The following DHX36 variants were observed in gnomAD, a reference collection of about 807,000 sequenced individuals.
DHX36 encodes the protein DEAH-box helicase 36, also known as ATP-dependent DNA/RNA helicase DHX36.
A neutral mutation model predicts 139.0 loss-of-function variants in DHX36; 50 were observed. That is an observed-to-expected ratio of 0.36 (90% CI 0.29 to 0.46). The LOEUF (loss-of-function observed/expected upper bound fraction) is 0.46. Ranked by LOEUF, DHX36 falls within the 20% of genes least tolerant of loss-of-function variation. The probability of loss-of-function intolerance (pLI) is 1.00; values close to 1 mark genes in which losing one functional copy is unlikely to be tolerated. For synonymous variants in DHX36, 425 were observed against 401.9 expected (o/e 1.06, Z -0.69); for missense variants, 1,024 against 1,211.3 (o/e 0.85, Z 2.29).
intron 19 of DHX36, 152 bp from the exon 20 acceptor site, chr3:154,283,423 A>G: frequency 1.7e-6 from 1 of 600,174 alleles, no homozygotes; most frequent in Admixed American, 3.0e-5. Flanking sequence ...GATAAAACTA[A>G]AAACACATAC....
rs1330649242 is a variant in DHX36 at position 154,276,834 on chromosome 3, G to A, written c.2754C>T (p.Ser918=). Residue 918 remains serine (S), a synonymous_variant, in exon 24 of 25, where the codon TCC becomes TCT. Transcript: ENST00000496811. ...YCLLFFGGDI[S]IQKDNDQETI... ...TTTCCTGATCGTTATCCTTCTGGAT[G>A]GAAATGTCACCTCCAAAAAACAAGA... 1.2e-6 allele frequency: 2 copies of A among 1,613,682 alleles called. No individual in the cohort carries two copies. Among genetic ancestry groups the A allele is most frequent in the African/African-American group, 1.3e-5 (1 of 74,894 alleles).
At chr3:154,316,318 C>A (rs753396707) in intron 1 of DHX36, among the ~76,000 whole-genome samples, 155 bp from the exon 2 acceptor site, 3 of 152,050 alleles carry the variant, frequency 2.0e-5, no homozygotes, top group Non-Finnish European at 4.4e-5. Context: ...CAATACCCCC[C>A]TTCCTAGACC....
rs749806167 is a variant in DHX36 at position 154,292,680 on chromosome 3, T to C, written c.1685A>G (p.Asp562Gly). The change falls in exon 15 of 25, where the codon GAT becomes GGT. Residue 562 changes from aspartate (D) to glycine (G), a missense_variant. Transcript: ENST00000496811. ...TCCTCCATCTATCACATAAACGACA[T>C]CATCTATGGTAATGCTGTTTGGAAA... ...NIAETSITID[D>G]VVYVIDGGKI... 3.9e-5 allele frequency: 63 copies of C among 1,613,074 alleles called. No individual in the cohort carries two copies. Among genetic ancestry groups the C allele is most frequent in the Admixed American group, 3.3e-5 (2 of 59,888 alleles).
intron 14 of DHX36, 39 bp from the exon 15 acceptor site, chr3:154,292,733 ACACAC>A (rs772472606): frequency 3.3e-6 from 3 of 922,814 alleles, no homozygotes; most frequent in Non-Finnish European, 4.7e-6. Context: ...TAAAACACAC[ACACAC>A]ACACACACAC....
At chr3:154,299,612 A>C in intron 12 of DHX36, 1 of 477,430 alleles carries the variant, frequency 2.1e-6, no homozygotes, top group Non-Finnish European at 3.8e-6. Flanking sequence ...TGCAGCAGTA[A>C]GTGAAAAAAT....
chr3:154,315,961 G>C, intron 2 of DHX36, 78 bp downstream of exon 2: 2 of 1,457,700 alleles, frequency 1.4e-6, no homozygotes, highest in Non-Finnish European at 1.8e-6. Flanking sequence ...TTCACTTATC[G>C]AAGAAAATAA....
chr3:154,301,670 A>C (rs1712286896), intron 9 of DHX36, among the ~76,000 whole-genome samples: 1 of 152,164 alleles, frequency 6.6e-6, no homozygotes, highest in African/African-American at 2.4e-5. Flanking sequence ...AGTTGTAGTT[A>C]ATGGCAGATC....
chr3:154,304,959 C>A lies in DHX36; in HGVS notation c.982G>T (p.Val328Phe). ...WLQSDPYLSS[V>F]SHIVLDEIHE... ...ATTTCATCAAGTACGATATGACTAA[C>A]ACTGGACAAATACCTAAGGCAGAAG... Residue 328 changes from valine (V) to phenylalanine (F), a missense_variant, in exon 8 of 25, where the codon GTT (valine) becomes TTT (phenylalanine). Physicochemically the swap from Val to Phe is conservative, Grantham distance 50. This residue lies in a region of DHX36 where 146 missense variants were observed against 215.0 expected (regional missense o/e 0.68). Coordinates refer to ENST00000496811, the MANE Select transcript of DHX36 (RefSeq NM_020865.3). The A allele has an allele frequency of 6.2e-7, 1 of 1,605,126 alleles. No homozygotes were observed. Among genetic ancestry groups the A allele is most frequent in the East Asian group, 2.2e-5 (1 of 44,752 alleles).
chr3:154,285,008 T>C, intron 17 of DHX36, 21 bp from the exon 18 acceptor site: 1 of 1,613,112 alleles, frequency 6.2e-7, no homozygotes, highest in Non-Finnish European at 8.5e-7. Context: ...AGAGTGTGTG[T>C]TTAAAATAGA....
intron 4 of DHX36, among the ~76,000 whole-genome samples, chr3:154,310,834 T>C (rs1436819824): frequency 6.8e-5 from 5 of 73,088 alleles, no homozygotes; most frequent in African/African-American, 2.1e-4. Context: ...TATATATATA[T>C]ATATATATAT....
chr3:154,277,049 C>T (rs1041756284), intron 23 of DHX36, 150 bp from the exon 24 acceptor site: 4 of 712,456 alleles, frequency 5.6e-6, no homozygotes, highest in Non-Finnish European at 6.5e-6. Context: ...TAAGAAATAC[C>T]ATTTTAAATG....
intron 17 of DHX36, among the ~76,000 whole-genome samples, chr3:154,285,374 C>T (rs958415002): frequency 2.6e-5 from 4 of 152,072 alleles, no homozygotes; most frequent in Admixed American, 2.0e-4. Flanking sequence ...TTAGGTGACG[C>T]GAGACAGAAA....
intron 1 of DHX36, among the ~76,000 whole-genome samples, chr3:154,316,932 G>A (rs543582599): frequency 9.2e-5 from 14 of 152,086 alleles, no homozygotes; most frequent in African/African-American, 3.1e-4. Context: ...AGGTTCTAAC[G>A]TGCATATAAA....
intron 12 of DHX36, among the ~76,000 whole-genome samples, chr3:154,297,451 G>A (rs1227787820): frequency 1.3e-5 from 2 of 152,144 alleles, no homozygotes; most frequent in South Asian, 2.1e-4. Flanking sequence ...AGTGGCTCAC[G>A]CCCGCAATCC....
chr3:154,300,981 A>T lies in DHX36; in HGVS notation c.1358+6T>A. 6.2e-7 allele frequency: 1 copy of T among 1,609,568 alleles called. No individual in the cohort carries two copies. The highest frequency in any genetic ancestry group is 8.5e-7 in the Non-Finnish European group (1 of 1,179,114). On this transcript the variant is annotated splice_donor_region_variant and intron_variant, in intron 10 of 24. Transcript: ENST00000496811. ...GATTTCTCACCTTCAGACAAAATAA[A>T]CTTACCTTCTTCGCAGTTCCCTTAC... is the stretch of plus-strand genomic sequence containing the variant.
Position 154,296,439 on chromosome 3 carries a change from A to T in DHX36, c.1550-1100T>A, listed in dbSNP as rs192058010. Among the ~76,000 whole-genome samples, 769 of 152,258 alleles carry T rather than the reference A, an allele frequency of 5.1e-3. 7 individuals carry two copies. The highest frequency in any genetic ancestry group is 0.018 in the African/African-American group (745 of 41,568). ...CAGTGAGCCGAGATCGCGCCACTGC[A>T]CTCCAGCCTAGGTGACAGAGCGAGA... On this transcript the variant is annotated intron_variant, in intron 12 of 24. Coordinates refer to ENST00000496811, the MANE Select transcript of DHX36 (RefSeq NM_020865.3).
At chr3:154,321,923 A>G (rs1293480135) in intron 1 of DHX36, among the ~76,000 whole-genome samples, 1 of 119,620 alleles carries the variant, frequency 8.4e-6, no homozygotes, top group Non-Finnish European at 1.7e-5. Context: ...TGAGACTCCA[A>G]CTCAAAAAAA....
chr3:154,322,074 T>C (rs948925738), intron 1 of DHX36, among the ~76,000 whole-genome samples: 2 of 152,138 alleles, frequency 1.3e-5, no homozygotes, highest in African/African-American at 4.8e-5. Context: ...AATACTCCTA[T>C]TTAAACAAGA....
intron 3 of DHX36, among the ~76,000 whole-genome samples, chr3:154,312,626 A>G (rs1209425675): frequency 6.6e-6 from 1 of 151,410 alleles, no homozygotes. Context: ...GCAGATCATG[A>G]GGTCAGGAGT....
Sources: gnomAD v4.1 joint callset for allele counts (sites outside exome capture counted in the v4.1 genomes callset) on GRCh38, gnomAD v4.1.1 for gene constraint, gnomAD v4.1.1 regional missense constraint, MANE v1.5 for transcripts, NCBI Gene and HGNC (gene_info 2026-07-23, HGNC 2026-07-21) for gene names.